The following CA10 variants were observed in gnomAD, a reference collection of about 807,000 sequenced individuals.
The protein encoded by CA10 is carbonic anhydrase-related protein 10.
In CA10, 14 loss-of-function variants were observed where a neutral mutation model predicts 44.2. The ratio of observed to expected loss-of-function variants is 0.32; its 90% CI spans 0.21 to 0.50. The LOEUF is 0.50. Ranked by LOEUF, CA10 falls within the 20% of genes least tolerant of loss-of-function variation. The pLI, the probability that CA10 is intolerant of heterozygous loss-of-function variation, is 0.99. For synonymous variants in CA10, 159 were observed against 141.6 expected, an observed-to-expected ratio of 1.12 and a Z score of -0.87; for missense variants, 350 against 409.7, an observed-to-expected ratio of 0.85 and a Z score of 1.26.
intron 1 of CA10, among the ~76,000 whole-genome samples, chr17:52,100,013 A>G (rs1384914092): frequency 1.3e-5 from 2 of 152,198 alleles, no homozygotes; most frequent in East Asian, 3.8e-4. Flanking sequence ...AGAATGTCAG[A>G]AAGGACGTAA....
chr17:51,869,463 A>G (rs1979707903), intron 3 of CA10, among the ~76,000 whole-genome samples: 1 of 152,186 alleles, frequency 6.6e-6, no homozygotes. Flanking sequence ...TCTGTTTAAT[A>G]TGGGATCACC....
chr17:51,674,141 C>T (rs1914532391), intron 4 of CA10, among the ~76,000 whole-genome samples: 1 of 152,092 alleles, frequency 6.6e-6, no homozygotes, highest in South Asian at 2.1e-4. Flanking sequence ...CAGCGCATCT[C>T]CCAGGTAAAA....
intron 2 of CA10, among the ~76,000 whole-genome samples, chr17:52,043,455 G>A (rs1986826237): frequency 1.3e-5 from 2 of 152,048 alleles, no homozygotes; most frequent in South Asian, 4.2e-4. Flanking sequence ...AGTTCTAACA[G>A]TTTCTTGGTG....
chr17:51,766,663 C>T (rs1159248225), intron 3 of CA10, among the ~76,000 whole-genome samples: 2 of 152,164 alleles, frequency 1.3e-5, no homozygotes, highest in African/African-American at 4.8e-5. Flanking sequence ...ATTTCTCCAA[C>T]ACCAAAGATA....
intron 2 of CA10, among the ~76,000 whole-genome samples, chr17:52,002,289 T>C (rs1005203109): frequency 2.7e-5 from 4 of 149,660 alleles, no homozygotes; most frequent in Non-Finnish European, 5.9e-5. Flanking sequence ...ACTGCAGAGG[T>C]AAGGTGTGTG....
chr17:52,007,564 T>C (rs203000), intron 2 of CA10, among the ~76,000 whole-genome samples: 71,163 of 151,314 alleles, frequency 0.47, 17,190 homozygotes, highest in African/African-American at 0.51. Context: ...TAGTGGCCTA[T>C]GGTCATATTC....
At chr17:51,933,037 G>A (rs993394933) in intron 2 of CA10, among the ~76,000 whole-genome samples, 2 of 152,138 alleles carry the variant, frequency 1.3e-5, no homozygotes, top group African/African-American at 4.8e-5. Context: ...AGTGGCAAAT[G>A]TGAGCATGCC....
chr17:51,991,114 T>C (rs1395438047), intron 2 of CA10, among the ~76,000 whole-genome samples: 1 of 152,136 alleles, frequency 6.6e-6, no homozygotes, highest in African/African-American at 2.4e-5. Context: ...CATCTGTAAT[T>C]TGGCATTTTG....
intron 1 of CA10, among the ~76,000 whole-genome samples, chr17:52,088,359 T>G (rs888450040): frequency 6.6e-6 from 1 of 152,222 alleles, no homozygotes; most frequent in Non-Finnish European, 1.5e-5. Context: ...CATGCAGTCA[T>G]TCTACCTAAG....
At chr17:51,669,321 A>G (rs1914325113) in intron 4 of CA10, among the ~76,000 whole-genome samples, 1 of 152,132 alleles carries the variant, frequency 6.6e-6, no homozygotes, top group African/African-American at 2.4e-5. Context: ...CTCAGTGTCT[A>G]GCTAATCTAG....
intron 4 of CA10, among the ~76,000 whole-genome samples, chr17:51,721,268 G>T (rs1567816910): frequency 6.6e-6 from 1 of 152,148 alleles, no homozygotes; most frequent in Non-Finnish European, 1.5e-5. Context: ...GGAGGTGGAG[G>T]TTGCGGTGAA....
rs969003276 is a variant in CA10, at chr17:51,982,963, C to T, written c.137-51831G>A. 3.3e-5 allele frequency among the ~76,000 whole-genome samples: 5 copies of T among 152,008 alleles called. No homozygotes were observed. In the East Asian group the frequency reaches 5.8e-4, roughly 18 times the overall value. ...GGTGCCAACTTTATAAAGATAATTT[C>T]AGCTTAAGATATTCAGTTATGTTTT... On this transcript the variant is annotated intron_variant, in intron 2 of 8. Transcript: ENST00000451037.
intron 2 of CA10, among the ~76,000 whole-genome samples, chr17:51,968,988 A>C (rs1984180840): frequency 6.6e-6 from 1 of 152,030 alleles, no homozygotes. Flanking sequence ...TTCGTCTAAT[A>C]GACATTGCTC....
chr17:51,749,264 G>A (rs1375252022), intron 3 of CA10, among the ~76,000 whole-genome samples: 6 of 152,186 alleles, frequency 3.9e-5, no homozygotes, highest in Non-Finnish European at 8.8e-5. Context: ...ATTTCTCTAC[G>A]TCGAGTCTGG....
chr17:52,123,109 G>A (rs578088598), intron 1 of CA10, among the ~76,000 whole-genome samples: 14 of 152,192 alleles, frequency 9.2e-5, no homozygotes, highest in South Asian at 2.1e-4. Flanking sequence ...GATCAAAGGC[G>A]GAGATACTTG....
intron 2 of CA10, among the ~76,000 whole-genome samples, chr17:51,941,471 T>A (rs1458119554): frequency 6.6e-6 from 1 of 152,140 alleles, no homozygotes; most frequent in Non-Finnish European, 1.5e-5. Flanking sequence ...GTGCTTCAGA[T>A]AAAATCTGAA....
intron 3 of CA10, among the ~76,000 whole-genome samples, chr17:51,878,162 AAAAAAG>A (rs1233078431): frequency 0.011 from 1,679 of 148,928 alleles, 31 homozygotes; most frequent in African/African-American, 0.041. Flanking sequence ...AAAAAAAAAA[AAAAAAG>A]AAAAAGGAAA....
intron 2 of CA10, among the ~76,000 whole-genome samples, chr17:51,936,812 GT>G (rs1982887723): frequency 6.6e-6 from 1 of 152,162 alleles, no homozygotes; most frequent in Non-Finnish European, 1.5e-5. Flanking sequence ...CCTTGAAGTA[GT>G]TTGAATGGGA....
At chr17:52,083,411 T>TA (rs1223004313) in intron 1 of CA10, among the ~76,000 whole-genome samples, 8 of 152,322 alleles carry the variant, frequency 5.3e-5, no homozygotes, top group African/African-American at 1.9e-4. Context: ...CATCTCTTTT[T>TA]AAAAAATGTT....
Sources: gnomAD v4.1 joint callset for allele counts (sites outside exome capture counted in the v4.1 genomes callset) on GRCh38, gnomAD v4.1.1 for gene constraint, MANE v1.5 for transcripts, NCBI Gene and HGNC (gene_info 2026-07-23, HGNC 2026-07-21) for gene names.